Variants in ZBTB20 observed in about 807,000 individuals in gnomAD.
The protein encoded by ZBTB20 is zinc finger and BTB domain-containing protein 20.
In ZBTB20, 9 loss-of-function variants were observed where a neutral mutation model predicts 56.9. The observed-to-expected ratio is 0.16, with a 90% CI of 0.10 to 0.28. The LOEUF (loss-of-function observed/expected upper bound fraction) is 0.28, where lower values mean the gene tolerates loss of function less well. ZBTB20 is among the 10% of genes least tolerant of loss of function. ZBTB20 has a pLI of 1.00. For missense variants in ZBTB20, 655 were observed against 1,003.0 expected (o/e 0.65, Z 4.69); for synonymous variants, 417 against 420.7 (o/e 0.99, Z 0.11).
At chr3:114,748,116 G>T (rs1017626853) in intron 5 of ZBTB20, among the ~76,000 whole-genome samples, 1 of 152,024 alleles carries the variant, frequency 6.6e-6, no homozygotes, top group Non-Finnish European at 1.5e-5. Flanking sequence ...AAAGGAAATT[G>T]AACATTCAAT....
chr3:114,718,325 C>G (rs544932492), intron 5 of ZBTB20, among the ~76,000 whole-genome samples: 1 of 152,152 alleles, frequency 6.6e-6, no homozygotes, highest in East Asian at 1.9e-4. Flanking sequence ...GGTTGTTCCC[C>G]CTACCCACAG....
chr3:114,563,205 C>T (rs561898954), intron 6 of ZBTB20, among the ~76,000 whole-genome samples: 4 of 152,270 alleles, frequency 2.6e-5, no homozygotes, highest in East Asian at 3.9e-4. Context: ...CTGTCTTTGT[C>T]TATTTGACAA....
intron 6 of ZBTB20, among the ~76,000 whole-genome samples, chr3:114,570,233 T>G (rs982102081): frequency 6.6e-6 from 1 of 151,954 alleles, no homozygotes; most frequent in African/African-American, 2.4e-5. Flanking sequence ...TCATAGAATT[T>G]TTTTTTTAAG....
At chr3:114,633,620 A>G (rs1391451015) in intron 6 of ZBTB20, among the ~76,000 whole-genome samples, 3 of 152,170 alleles carry the variant, frequency 2.0e-5, no homozygotes, top group Admixed American at 6.5e-5. Flanking sequence ...GTGGCATATT[A>G]TATAACTCCA....
chr3:114,443,898 T>C (rs2108981579), intron 7 of ZBTB20, among the ~76,000 whole-genome samples: 1 of 152,306 alleles, frequency 6.6e-6, no homozygotes, highest in South Asian at 2.1e-4. Context: ...TTGCCTAAAA[T>C]TATGTAGACC....
intron 10 of ZBTB20, among the ~76,000 whole-genome samples, chr3:114,369,194 G>T (rs1365583442): frequency 6.6e-6 from 1 of 152,176 alleles, no homozygotes; most frequent in African/African-American, 2.4e-5. Flanking sequence ...AGTTAATTCA[G>T]TTACTGCTTT....
intron 5 of ZBTB20, among the ~76,000 whole-genome samples, chr3:114,753,589 C>G (rs1259627084): frequency 6.6e-6 from 1 of 151,650 alleles, no homozygotes; most frequent in Non-Finnish European, 1.5e-5. Context: ...CATGTGCTAC[C>G]ACGCCCAGCT....
At chr3:114,579,961 T>C (rs1008957857) in intron 6 of ZBTB20, among the ~76,000 whole-genome samples, 1 of 151,572 alleles carries the variant, frequency 6.6e-6, no homozygotes, top group African/African-American at 2.4e-5. Flanking sequence ...ATACTCAGAA[T>C]AAAAAATCCC....
At chr3:114,805,000 C>T (rs1589667) in intron 4 of ZBTB20, among the ~76,000 whole-genome samples, 134,428 of 151,900 alleles carry the variant, frequency 0.88, 60,351 homozygotes, top group East Asian at 0.98. Flanking sequence ...TATATTCAAA[C>T]GATAATTATC....
intron 6 of ZBTB20, among the ~76,000 whole-genome samples, chr3:114,571,801 G>C (rs2053467271): frequency 6.6e-6 from 1 of 152,100 alleles, no homozygotes; most frequent in Non-Finnish European, 1.5e-5. Context: ...TCTTGAGGTG[G>C]AACTCAGATC....
chr3:114,685,601 T>C (rs970838152), intron 6 of ZBTB20, among the ~76,000 whole-genome samples: 19 of 152,090 alleles, frequency 1.2e-4, no homozygotes, highest in African/African-American at 4.3e-4. Flanking sequence ...AGTAAAGGGG[T>C]ATGTAGGAAC....
At chr3:115,016,494 G>A (rs1226535194) in intron 2 of ZBTB20, among the ~76,000 whole-genome samples, 1 of 151,922 alleles carries the variant, frequency 6.6e-6, no homozygotes, top group Non-Finnish European at 1.5e-5. Context: ...TTTGTATAAG[G>A]TGTAAAGAAG....
intron 6 of ZBTB20, among the ~76,000 whole-genome samples, chr3:114,650,270 G>A (rs2060062135): frequency 6.6e-6 from 1 of 151,730 alleles, no homozygotes; most frequent in South Asian, 2.1e-4. Context: ...ATTTCTGAAA[G>A]ACCATTGAAA....
chr3:114,901,457 T>C (rs2075115660), intron 3 of ZBTB20, among the ~76,000 whole-genome samples: 1 of 152,148 alleles, frequency 6.6e-6, no homozygotes, highest in African/African-American at 2.4e-5. Context: ...GATGGGAATG[T>C]GGATTACAAA....
chr3:114,555,974 A>G (rs2051164542), intron 6 of ZBTB20, among the ~76,000 whole-genome samples: 2 of 152,240 alleles, frequency 1.3e-5, no homozygotes, highest in South Asian at 2.1e-4. Flanking sequence ...ACATTGGGAG[A>G]TAACATAGGT....
At chr3:115,141,209 A>C (rs1239046098) in intron 1 of ZBTB20, among the ~76,000 whole-genome samples, 1 of 152,172 alleles carries the variant, frequency 6.6e-6, no homozygotes, top group African/African-American at 2.4e-5. Flanking sequence ...GTATGACTTC[A>C]CTAAACAAAC....
At chr3:114,496,493 C>T (rs964226986) in intron 7 of ZBTB20, among the ~76,000 whole-genome samples, 1 of 152,190 alleles carries the variant, frequency 6.6e-6, no homozygotes, top group Non-Finnish European at 1.5e-5. Flanking sequence ...CCCTACTCCT[C>T]GTCTTGTTCA....
intron 5 of ZBTB20, among the ~76,000 whole-genome samples, chr3:114,780,161 A>G (rs1490687457): frequency 2.0e-5 from 3 of 152,186 alleles, no homozygotes; most frequent in Admixed American, 6.5e-5. Flanking sequence ...TCTTAATAAA[A>G]TGGTATCTCC....
intron 6 of ZBTB20, among the ~76,000 whole-genome samples, chr3:114,521,321 T>A (rs1386296290): frequency 6.6e-6 from 1 of 152,156 alleles, no homozygotes; most frequent in African/African-American, 2.4e-5. Context: ...ACACTGAATG[T>A]TTTTATAGTC....
Sources: allele counts gnomAD v4.1 joint callset (sites outside exome capture counted in the v4.1 genomes callset), GRCh38; gene constraint gnomAD v4.1.1; transcripts MANE v1.5; gene names NCBI Gene and HGNC (gene_info 2026-07-23, HGNC 2026-07-21).